XPNPEP3: variants seen among roughly 807,000 people sequenced by gnomAD.
XPNPEP3 encodes the protein X-prolyl aminopeptidase 3, also known as xaa-Pro aminopeptidase 3.
XPNPEP3 carries 41 observed loss-of-function variants against 60.0 expected under a neutral mutation model. The ratio of observed to expected loss-of-function variants is 0.68; its 90% CI spans 0.53 to 0.89. XPNPEP3 has a LOEUF of 0.89. Ranked by LOEUF, XPNPEP3 falls within the 40% of genes least tolerant of loss-of-function variation. The pLI is 0.00. For missense variants in XPNPEP3, 598 were observed against 638.9 expected (o/e 0.94, Z 0.69); for synonymous variants, 212 against 223.2 (o/e 0.95, Z 0.45).
rs138388516 is a variant in XPNPEP3 at position 40,871,665 on chromosome 22, G to C, written c.181+2550G>C. Among the ~76,000 whole-genome samples, 628 of 152,150 alleles carry C rather than the reference G, an allele frequency of 4.1e-3. 7 individuals carry two copies. Among genetic ancestry groups the C allele is most frequent in the African/African-American group, 0.014 (587 of 41,502 alleles). Reference sequence around the variant, plus strand: ...TCTTTTTAGTCCTATTTCTTACATAGGTGTATGTGTGTATAAGTGTACATG... The same window carrying C: ...TCTTTTTAGTCCTATTTCTTACATACGTGTATGTGTGTATAAGTGTACATG... On this transcript the variant is annotated intron_variant, in intron 2 of 9. Coordinates refer to ENST00000357137, the MANE Select transcript of XPNPEP3 (RefSeq NM_022098.4).
chr22:40,886,189 A>T, intron 3 of XPNPEP3, 124 bp from the exon 4 acceptor site: 2 of 946,022 alleles, frequency 2.1e-6, no homozygotes, highest in Non-Finnish European at 3.4e-6. Flanking sequence ...TTAAGTCTCA[A>T]CACTTTAGAG....
At chr22:40,886,258 T>A in intron 3 of XPNPEP3, 55 bp from the exon 4 acceptor site, 1 of 1,569,966 alleles carries the variant, frequency 6.4e-7, no homozygotes, top group South Asian at 1.1e-5. Context: ...ACAGTTGATA[T>A]TTCTTGTTGC....
chr22:40,862,385 A>G, intron 1 of XPNPEP3: 2 of 995,466 alleles, frequency 2.0e-6, no homozygotes, highest in Non-Finnish European at 2.4e-6. Context: ...CTTGCATAAT[A>G]TGACCTCTAG....
At chr22:40,885,382 C>G (rs1260902365) in intron 3 of XPNPEP3, among the ~76,000 whole-genome samples, 1 of 152,168 alleles carries the variant, frequency 6.6e-6, no homozygotes, top group Admixed American at 6.6e-5. Context: ...ATATCTTAGG[C>G]AAATACAGAC....
intron 7 of XPNPEP3, among the ~76,000 whole-genome samples, chr22:40,916,251 C>G (rs1010320017): frequency 1.3e-5 from 2 of 151,658 alleles, no homozygotes; most frequent in Non-Finnish European, 2.9e-5. Flanking sequence ...GAGATTGTAC[C>G]ACTGCACTCC....
chr22:40,907,672 C>T (rs1256458163), intron 5 of XPNPEP3, 23 bp downstream of exon 5: 1 of 1,606,188 alleles, frequency 6.2e-7, no homozygotes, highest in Admixed American at 1.7e-5. Flanking sequence ...TGGTTAGCTT[C>T]ACCATCTTGT....
chr22:40,901,134 T>C (rs2058130902), intron 4 of XPNPEP3, among the ~76,000 whole-genome samples: 1 of 151,856 alleles, frequency 6.6e-6, no homozygotes, highest in Admixed American at 6.6e-5. Context: ...TTTAAAAAAT[T>C]GTTTAAAAGG....
chr22:40,920,076 T>G (rs2146278935), intron 7 of XPNPEP3, among the ~76,000 whole-genome samples: 2 of 152,166 alleles, frequency 1.3e-5, no homozygotes, highest in South Asian at 4.2e-4. Context: ...TGATTAGAAA[T>G]GGACATGTGG....
At chr22:40,919,116 A>G (rs987608804) in intron 7 of XPNPEP3, among the ~76,000 whole-genome samples, 7 of 152,166 alleles carry the variant, frequency 4.6e-5, no homozygotes, top group African/African-American at 1.7e-4. Context: ...AAAATTTTTT[A>G]AATTTTTAAA....
chr22:40,877,814 G>C (rs901100278), intron 2 of XPNPEP3, among the ~76,000 whole-genome samples: 2 of 152,156 alleles, frequency 1.3e-5, no homozygotes, highest in Non-Finnish European at 2.9e-5. Flanking sequence ...TGTGATCAAA[G>C]GCCATAACAC....
intron 4 of XPNPEP3, among the ~76,000 whole-genome samples, chr22:40,892,342 G>A (rs2058091532): frequency 6.6e-6 from 1 of 152,000 alleles, no homozygotes; most frequent in Non-Finnish European, 1.5e-5. Flanking sequence ...GCACTACCAG[G>A]CCCAGCTAAC....
At chr22:40,872,562 T>G (rs747785762) in intron 2 of XPNPEP3, among the ~76,000 whole-genome samples, 7 of 152,088 alleles carry the variant, frequency 4.6e-5, no homozygotes, top group Non-Finnish European at 8.8e-5. Context: ...GCAGTTCTGC[T>G]GCCTCAGCCT....
intron 1 of XPNPEP3, among the ~76,000 whole-genome samples, chr22:40,867,953 A>C (rs1199673850): frequency 4.0e-5 from 6 of 151,694 alleles, no homozygotes; most frequent in African/African-American, 9.7e-5. Flanking sequence ...AAAAAAAAAA[A>C]ACCCAACAAA....
Position 40,858,975 on chromosome 22 carries a change from A to G in XPNPEP3, c.64+1730A>G, listed in dbSNP as rs1045565613. ...CTTTTTTTGGAGATGGGGTCTTGCCATGTTGCCCAAAGTAAACTTGAACTC... is the reference window on the plus strand; with the variant it reads ...CTTTTTTTGGAGATGGGGTCTTGCCGTGTTGCCCAAAGTAAACTTGAACTC... On this transcript the variant is annotated intron_variant, in intron 1 of 9. Coordinates refer to ENST00000357137, the MANE Select transcript of XPNPEP3 (RefSeq NM_022098.4). Among the ~76,000 whole-genome samples, 8 of 152,176 alleles carry G rather than the reference A, an allele frequency of 5.3e-5. No individual in the cohort carries two copies. The South Asian group carries it at 8.3e-4, about 16-fold the overall frequency.
intron 7 of XPNPEP3, among the ~76,000 whole-genome samples, chr22:40,921,439 C>G (rs1309683683): frequency 1.3e-5 from 2 of 148,508 alleles, no homozygotes; most frequent in Non-Finnish European, 3.0e-5. Context: ...ATCGTTTGAG[C>G]TGAAGAGTTC....
intron 4 of XPNPEP3, among the ~76,000 whole-genome samples, chr22:40,886,782 G>A (rs1400006498): frequency 4.0e-5 from 6 of 150,014 alleles, no homozygotes; most frequent in South Asian, 2.1e-4. Context: ...AGCCGAGATC[G>A]GGCCACTGCA....
chr22:40,879,596 C>G (rs952903027), intron 2 of XPNPEP3, among the ~76,000 whole-genome samples: 3 of 151,548 alleles, frequency 2.0e-5, no homozygotes, highest in Admixed American at 6.6e-5. Context: ...AATCCCAGCA[C>G]TTTGGGAGGA....
intron 4 of XPNPEP3, among the ~76,000 whole-genome samples, chr22:40,890,722 C>G (rs2058085225): frequency 6.6e-6 from 1 of 151,796 alleles, no homozygotes; most frequent in Non-Finnish European, 1.5e-5. Context: ...AAAAAATTAG[C>G]TGGGCATGGT....
At chr22:40,871,120 T>G (rs994872191) in intron 2 of XPNPEP3, among the ~76,000 whole-genome samples, 2 of 152,092 alleles carry the variant, frequency 1.3e-5, no homozygotes, top group African/African-American at 4.8e-5. Flanking sequence ...CCCAACACTT[T>G]GGAAAGACAA....
Sources: gnomAD v4.1 joint callset for allele counts (sites outside exome capture counted in the v4.1 genomes callset) on GRCh38, gnomAD v4.1.1 for gene constraint, MANE v1.5 for transcripts, NCBI Gene and HGNC (gene_info 2026-07-23, HGNC 2026-07-21) for gene names.